Variants in IDO2 observed in about 807,000 individuals in gnomAD.
IDO2 encodes indoleamine 2,3-dioxygenase 2.
A neutral mutation model predicts 45.1 loss-of-function variants in IDO2; 46 were observed. The ratio of observed to expected loss-of-function variants is 1.02; its 90% CI spans 0.80 to 1.30. The LOEUF (loss-of-function observed/expected upper bound fraction) is 1.30. IDO2 is among the 50% of genes most tolerant of loss of function. The probability of loss-of-function intolerance (pLI) is 0.00; values close to 1 mark genes in which losing one functional copy is unlikely to be tolerated. For missense variants in IDO2, 544 were observed against 491.8 expected, an observed-to-expected ratio of 1.11 and a Z score of -1.00; for synonymous variants, 218 against 184.9, an observed-to-expected ratio of 1.18 and a Z score of -1.45.
chr8:39,963,633 C>G (rs201524976), exon 3 of IDO2: 9 of 1,610,534 alleles, frequency 5.6e-6, no homozygotes, highest in Non-Finnish European at 7.6e-6. Flanking sequence ...CATTATAGGC[C>G]TTGGATGGAA....
intron 2 of IDO2, among the ~76,000 whole-genome samples, chr8:39,950,200 C>T (rs1304771465): frequency 1.3e-5 from 2 of 152,084 alleles, no homozygotes; most frequent in Non-Finnish European, 2.9e-5. Context: ...ATTATTATTA[C>T]ATCCTAAATG....
rs1297758150 is a variant in IDO2 at position 40,013,728 on chromosome 8, T to C, written c.868+15T>C. ...CAAGGAAAGTGGTAAGTCAGACATT[T>C]TGTTTTCCCTTGAGAGTAGAGGGAG... is the stretch of plus-strand genomic sequence containing the variant. On this transcript the variant is annotated intron_variant, in intron 10 of 10. Transcript: ENST00000502986. 7.6e-6 allele frequency: 12 copies of C among 1,586,902 alleles called. No homozygotes were observed. The highest frequency in any genetic ancestry group is 1.0e-5 in the Non-Finnish European group (12 of 1,164,208).
intron 2 of IDO2, 54 bp downstream of exon 2, chr8:39,949,318 G>A (rs1807782164): frequency 7.1e-7 from 1 of 1,401,746 alleles, no homozygotes; most frequent in South Asian, 1.3e-5. Flanking sequence ...TGAGATGTTG[G>A]TTGGTTTGTT....
chr8:39,971,008 C>A (rs922873917), intron 3 of IDO2, among the ~76,000 whole-genome samples: 1 of 152,102 alleles, frequency 6.6e-6, no homozygotes, highest in African/African-American at 2.4e-5. Context: ...TCGTGATCCA[C>A]CCCCCTTGGC....
intron 3 of IDO2, among the ~76,000 whole-genome samples, chr8:39,968,356 G>T (rs372017746): frequency 6.6e-6 from 1 of 152,160 alleles, no homozygotes; most frequent in African/African-American, 2.4e-5. Context: ...CTAGAGACAG[G>T]TAAGGAGTGG....
exon 7 of IDO2, chr8:39,987,894 T>A: frequency 6.2e-7 from 1 of 1,610,474 alleles, no homozygotes; most frequent in Non-Finnish European, 8.5e-7. Context: ...ATCATCTCAT[T>A]TCCTGGGGGA....
chr8:40,008,974 CTTGATTTATCCTATTT>C (rs1802263287), intron 9 of IDO2, among the ~76,000 whole-genome samples: 1 of 151,476 alleles, frequency 6.6e-6, no homozygotes, highest in African/African-American at 2.4e-5. Context: ...CTTTTTTGTT[CTTGATTTATCCTATTT>C]TTGATTTATT....
At chr8:39,952,395 C>T (rs1291077108) in intron 2 of IDO2, among the ~76,000 whole-genome samples, 1 of 152,188 alleles carries the variant, frequency 6.6e-6, no homozygotes, top group East Asian at 1.9e-4. Flanking sequence ...CCTTCAGTAT[C>T]TCTTTTGGTT....
At chr8:39,976,187 C>T (rs535286148) in intron 3 of IDO2, among the ~76,000 whole-genome samples, 11 of 151,956 alleles carry the variant, frequency 7.2e-5, no homozygotes, top group South Asian at 4.2e-4. Flanking sequence ...CCATGTTGGC[C>T]GCTTGTCTCA....
chr8:39,968,888 T>TAAAAA (rs753978365), intron 3 of IDO2, among the ~76,000 whole-genome samples: 1 of 130,744 alleles, frequency 7.6e-6, no homozygotes, highest in African/African-American at 2.7e-5. Flanking sequence ...TTTAAAAAAG[T>TAAAAA]AAAAAAAAAA....
rs558697411 is a variant in IDO2 at position 39,944,040 on chromosome 8, G to A, written c.-17-5109G>A. On this transcript the variant is annotated intron_variant, in intron 1 of 10. Transcript: ENST00000502986. Reference sequence around the variant, plus strand: ...CATAAATCAAACAACTTTCAAAACTGAAACCTGCGTGAGAACGGTTGCATT... The same window carrying A: ...CATAAATCAAACAACTTTCAAAACTAAAACCTGCGTGAGAACGGTTGCATT... 4.5e-3 allele frequency among the ~76,000 whole-genome samples: 683 copies of A among 152,202 alleles called. 3 individuals carry two copies. The highest frequency in any genetic ancestry group is 7.3e-3 in the Non-Finnish European group (498 of 68,008).
chr8:39,952,588 C>G (rs1339644260), intron 2 of IDO2, among the ~76,000 whole-genome samples: 1 of 152,162 alleles, frequency 6.6e-6, no homozygotes, highest in Non-Finnish European at 1.5e-5. Flanking sequence ...GCCTCACCAA[C>G]TCATGCAAAT....
At chr8:39,941,874 CAGG>C (rs1183629853) in intron 1 of IDO2, among the ~76,000 whole-genome samples, 1 of 151,736 alleles carries the variant, frequency 6.6e-6, no homozygotes, top group Non-Finnish European at 1.5e-5. Context: ...AGCTACAGCC[CAGG>C]AGTTCAAGAC....
chr8:39,985,014 C>T (rs557327299), intron 5 of IDO2: 1 of 362,136 alleles, frequency 2.8e-6, no homozygotes, highest in South Asian at 2.2e-5. Context: ...TCACTGCAAC[C>T]TCTGCCTCCT....
chr8:39,941,900 C>G (rs1807648678), intron 1 of IDO2, among the ~76,000 whole-genome samples: 1 of 151,922 alleles, frequency 6.6e-6, no homozygotes, highest in African/African-American at 2.4e-5. Flanking sequence ...CCCAGAGCAA[C>G]ACAGCAAAAC....
chr8:39,980,837 C>T (rs529859367), intron 4 of IDO2, among the ~76,000 whole-genome samples: 1 of 152,084 alleles, frequency 6.6e-6, no homozygotes, highest in Non-Finnish European at 1.5e-5. Context: ...GCAACCTCGG[C>T]TTCCTGGGTC....
intron 2 of IDO2, among the ~76,000 whole-genome samples, chr8:39,951,297 A>C (rs1313062184): frequency 1.5e-5 from 1 of 68,142 alleles, no homozygotes; most frequent in Non-Finnish European, 3.1e-5. Context: ...TTTTTCTGAG[A>C]TAGAATCTCT....
chr8:39,983,288 G>T (rs1032831409), intron 5 of IDO2, among the ~76,000 whole-genome samples: 5 of 152,172 alleles, frequency 3.3e-5, no homozygotes, highest in Admixed American at 6.5e-5. Context: ...TCTACAGAAG[G>T]AATAGCATGA....
chr8:39,937,870 C>T (rs1435450809), intron 1 of IDO2, among the ~76,000 whole-genome samples: 1 of 152,040 alleles, frequency 6.6e-6, no homozygotes, highest in East Asian at 1.9e-4. Flanking sequence ...AACTTTAGTC[C>T]TTACAATGTA....
Sources: gnomAD v4.1 joint callset for allele counts (sites outside exome capture counted in the v4.1 genomes callset) on GRCh38, gnomAD v4.1.1 for gene constraint, MANE v1.5 for transcripts, NCBI Gene and HGNC (gene_info 2026-07-23, HGNC 2026-07-21) for gene names.